ADD3: variants seen among roughly 807,000 people sequenced by gnomAD.
ADD3 encodes the protein gamma-adducin.
A neutral mutation model predicts 80.2 loss-of-function variants in ADD3; 25 were observed. The ratio of observed to expected loss-of-function variants is 0.31; its 90% CI spans 0.23 to 0.44. ADD3 has a LOEUF of 0.44. Ranked by LOEUF, ADD3 falls within the 20% of genes least tolerant of loss-of-function variation. The probability of loss-of-function intolerance (pLI) is 1.00; values close to 1 mark genes in which losing one functional copy is unlikely to be tolerated. For synonymous variants in ADD3, 284 were observed against 289.6 expected (o/e 0.98, Z 0.20); for missense variants, 829 against 847.5 (o/e 0.98, Z 0.27).
intron 2 of ADD3, among the ~76,000 whole-genome samples, chr10:110,109,235 T>A (rs78950061): frequency 5.3e-5 from 8 of 152,246 alleles, no homozygotes; most frequent in Middle Eastern, 3.4e-3. Context: ...TTTTTTTTTT[T>A]AATCTAAAAA....
intron 3 of ADD3, among the ~76,000 whole-genome samples, chr10:110,113,523 T>C (rs1011436859): frequency 2.0e-5 from 3 of 152,164 alleles, no homozygotes; most frequent in African/African-American, 7.2e-5. Flanking sequence ...CACCTTGGCC[T>C]CCCAAAGTGC....
At chr10:110,034,330 CAT>C (rs1564869010) in intron 1 of ADD3, among the ~76,000 whole-genome samples, 1 of 151,988 alleles carries the variant, frequency 6.6e-6, no homozygotes, top group African/African-American at 2.4e-5. Flanking sequence ...TTGATATTGA[CAT>C]ATATCTTGGG....
chr10:110,129,439 G>A (rs1210807765), intron 12 of ADD3, among the ~76,000 whole-genome samples: 8 of 152,056 alleles, frequency 5.3e-5, no homozygotes, highest in African/African-American at 1.2e-4. Context: ...GTGAGCCACC[G>A]CGCCCAGCCT....
rs1483723706 is a variant in ADD3, at chr10:110,023,085, G to A, written c.-30+14786G>A. Among the ~76,000 whole-genome samples, 4 of 152,192 alleles carry A rather than the reference G, an allele frequency of 2.6e-5. No individual in the cohort carries two copies. In the South Asian group the frequency reaches 8.3e-4, roughly 32 times the overall value. ...TGTGTGAAGAAAGTCACGATGGAGA[G>A]AGAGTGTGTTGGCAAAGAGGTTAGG... is the stretch of plus-strand genomic sequence containing the variant. On this transcript the variant is annotated intron_variant, in intron 1 of 14. Transcript: ENST00000356080.
chr10:110,126,531 G>A, intron 12 of ADD3, 28 bp downstream of exon 12: 1 of 1,476,792 alleles, frequency 6.8e-7, no homozygotes, highest in Non-Finnish European at 9.4e-7. Flanking sequence ...TATGATCTTT[G>A]TTTTTTATTT....
intron 1 of ADD3, among the ~76,000 whole-genome samples, chr10:110,079,007 A>AT (rs1432442422): frequency 6.6e-6 from 1 of 152,098 alleles, no homozygotes; most frequent in African/African-American, 2.4e-5. Context: ...AAAATGGAAT[A>AT]TTTTTTACCA....
chr10:110,073,564 T>C (rs1388070050), intron 1 of ADD3, among the ~76,000 whole-genome samples: 3 of 152,222 alleles, frequency 2.0e-5, no homozygotes, highest in African/African-American at 7.2e-5. Flanking sequence ...AGTGGCACTT[T>C]AACTGCTGAG....
Position 110,122,232 on chromosome 10 carries a change from T to A in ADD3, c.1083T>A (p.His361Gln), listed in dbSNP as rs1851597554. Residue 361 changes from histidine (H) to glutamine (Q), a missense_variant, in exon 9 of 15, where the codon CAT (histidine) becomes CAA (glutamine). By Grantham distance (24) the His-to-Gln change is conservative. Transcript: ENST00000356080. ...GAGGAGGTGTGAATATGGGTTCCCA[T>A]CAAAAATGGAAGGTTGGCGAAATTG... The part of the protein sequence containing the change: ...SGGGGVNMGS[H>Q]QKWKVGEIEF... The A allele has an allele frequency of 6.2e-7, 1 of 1,613,978 alleles. No individual in the cohort carries two copies. The highest frequency in any genetic ancestry group is 1.3e-5 in the African/African-American group (1 of 74,912).
intron 1 of ADD3, among the ~76,000 whole-genome samples, chr10:110,064,853 A>G (rs1310314078): frequency 2.6e-5 from 4 of 152,116 alleles, no homozygotes; most frequent in Non-Finnish European, 5.9e-5. Flanking sequence ...TTAAAACTGC[A>G]TGTTTCCCAG....
chr10:110,059,933 T>C (rs1431928660), intron 1 of ADD3, among the ~76,000 whole-genome samples: 1 of 152,228 alleles, frequency 6.6e-6, no homozygotes, highest in Admixed American at 6.5e-5. Flanking sequence ...TGAAAGGTTA[T>C]TCTGTGGACT....
rs776349867 is a variant in ADD3 at position 110,118,713 on chromosome 10, A to T, written c.694A>T (p.Ile232Phe). The change falls in exon 6 of 15, where the codon ATC (isoleucine) becomes TTC (phenylalanine). Residue 232 changes from isoleucine (I) to phenylalanine (F), a missense_variant. Transcript: ENST00000356080. Reference protein sequence around the residue: ...TRPDVKCVIHIHTLATAAVSS... With the variant: ...TRPDVKCVIHFHTLATAAVSS... ...TCCTGATGTTAAGTGTGTGATACAC[A>T]TCCATACCCTTGCAACAGCAGCTGT... 1 of 1,614,058 alleles carries T rather than the reference A, an allele frequency of 6.2e-7. No homozygotes were observed. The highest frequency in any genetic ancestry group is 8.5e-7 in the Non-Finnish European group (1 of 1,179,936).
At chr10:110,079,449 AGAGAGAGAGAGAGTGTGT>A (rs1564939299) in intron 1 of ADD3, among the ~76,000 whole-genome samples, 7 of 132,392 alleles carry the variant, frequency 5.3e-5, no homozygotes, top group African/African-American at 2.3e-4. Flanking sequence ...AGAGAGAGAG[AGAGAGAGAGAGAGTGTGT>A]GTGTGTGTGT....
At chr10:110,081,465 G>A (rs1250955085) in intron 1 of ADD3, among the ~76,000 whole-genome samples, 3 of 152,012 alleles carry the variant, frequency 2.0e-5, no homozygotes, top group Non-Finnish European at 2.9e-5. Flanking sequence ...ATTTAAATTC[G>A]AATCTGTGAA....
chr10:110,127,658 C>T (rs1852348419), intron 12 of ADD3, among the ~76,000 whole-genome samples: 1 of 152,160 alleles, frequency 6.6e-6, no homozygotes, highest in South Asian at 2.1e-4. Context: ...TATTATTTTC[C>T]ACAGGGTGAA....
intron 1 of ADD3, among the ~76,000 whole-genome samples, chr10:110,019,475 C>T (rs1853404154): frequency 6.6e-6 from 1 of 152,002 alleles, no homozygotes; most frequent in East Asian, 1.9e-4. Flanking sequence ...CTGCCTCAGC[C>T]TCCCGAGTAG....
chr10:110,065,237 A>T (rs926955852), intron 1 of ADD3, among the ~76,000 whole-genome samples: 1 of 152,098 alleles, frequency 6.6e-6, no homozygotes, highest in Non-Finnish European at 1.5e-5. Flanking sequence ...TTAGATATAC[A>T]ATTCCTAGAC....
chr10:110,114,581 G>A (rs1324169751), intron 3 of ADD3, among the ~76,000 whole-genome samples: 2 of 152,080 alleles, frequency 1.3e-5, no homozygotes, highest in African/African-American at 4.8e-5. Flanking sequence ...ATGAAATGTG[G>A]TGACAAATTA....
rs568270674 is a variant in ADD3, at chr10:110,015,275, T to C, written c.-30+6976T>C. 2.6e-5 allele frequency among the ~76,000 whole-genome samples: 4 copies of C among 152,350 alleles called. No homozygotes were observed. In the East Asian group the frequency reaches 5.8e-4, roughly 22 times the overall value. On this transcript the variant is annotated intron_variant, in intron 1 of 14. Coordinates refer to ENST00000356080, the MANE Select transcript of ADD3 (RefSeq NM_016824.5). ...ACATTTAATAATTGGGAGCTATTAT[T>C]TATTAAAGTACACATTATCAATGAA...
intron 1 of ADD3, among the ~76,000 whole-genome samples, chr10:110,097,977 G>A (rs1403774881): frequency 3.1e-4 from 47 of 151,938 alleles, no homozygotes; most frequent in African/African-American, 1.0e-3. Context: ...GAGTTTCACC[G>A]TGTTGGCCAG....
Sources: gnomAD v4.1 joint callset for allele counts (sites outside exome capture counted in the v4.1 genomes callset) on GRCh38, gnomAD v4.1.1 for gene constraint, MANE v1.5 for transcripts, NCBI Gene and HGNC (gene_info 2026-07-23, HGNC 2026-07-21) for gene names.